The following MAP4K1 variants were observed in gnomAD, a reference collection of about 807,000 sequenced individuals.
The protein encoded by MAP4K1 is mitogen-activated protein kinase kinase kinase kinase 1, also known as MAPK/ERK kinase kinase kinase 1.
A neutral mutation model predicts 122.8 loss-of-function variants in MAP4K1; 35 were observed. The ratio of observed to expected loss-of-function variants is 0.29; its 90% CI spans 0.22 to 0.38. The LOEUF (loss-of-function observed/expected upper bound fraction) is 0.38, where lower values mean the gene tolerates loss of function less well. Among genes scored for constraint, MAP4K1 ranks in the 10% least tolerant of loss-of-function variants. The probability of loss-of-function intolerance (pLI) is 1.00; values close to 1 mark genes in which losing one functional copy is unlikely to be tolerated. For synonymous variants in MAP4K1, 412 were observed against 421.3 expected (o/e 0.98, Z 0.27); for missense variants, 791 against 1,072.6 (o/e 0.74, Z 3.67).
At position 38,617,913 on chromosome 19, in the gene MAP4K1, G is replaced by T; in HGVS notation, c.-18C>A. 6.2e-7 allele frequency: 1 copy of T among 1,610,612 alleles called. No individual in the cohort carries two copies. The highest frequency in any genetic ancestry group is 8.5e-7 in the Non-Finnish European group (1 of 1,176,880). ...ACGTCCATCCCTGGGGGCCTGAGCTGGGCCTGCGCCCAGGGGCCAGCAGGG... is the reference window on the plus strand; with the variant it reads ...ACGTCCATCCCTGGGGGCCTGAGCTTGGCCTGCGCCCAGGGGCCAGCAGGG... On this transcript the variant is annotated 5_prime_UTR_variant, in exon 1 of 31. Transcript: ENST00000396857. This position sits in a 1 kb window ranked among gnomAD's most constrained non-coding sequence, Gnocchi z 4.1.
chr19:38,607,517 G>A (rs987735010), intron 16 of MAP4K1, among the ~76,000 whole-genome samples: 11 of 142,398 alleles, frequency 7.7e-5, no homozygotes, highest in East Asian at 4.1e-4. Flanking sequence ...CTGAGACTAC[G>A]TCACTGCACT....
chr19:38,602,854 A>G (rs181583700), intron 19 of MAP4K1, among the ~76,000 whole-genome samples: 18 of 147,856 alleles, frequency 1.2e-4, no homozygotes, highest in African/African-American at 3.3e-4. Context: ...ATATACACAT[A>G]TACATATATA....
At position 38,605,577 on chromosome 19, in the gene MAP4K1, C is replaced by A. The variant is rs758428806; in HGVS notation, c.1354G>T (p.Ala452Ser). Residue 452 changes from alanine (A) to serine (S), a missense_variant, in exon 18 of 31, where the codon GCC becomes TCC. Physicochemically the swap from Ala to Ser is moderately conservative, Grantham distance 99 (BLOSUM62 1). Coordinates refer to ENST00000396857, the MANE Select transcript of MAP4K1 (RefSeq NM_001042600.3). Reference protein sequence around the residue: ...PPSTSSPHLTAHSEPSLWNPP... With the variant: ...PPSTSSPHLTSHSEPSLWNPP... Reference sequence around the variant, plus strand: ...TAGCCTGTCCCATTACCTGAATGGGCGGTGAGGTGGGGGCTGCTGGTGGAT... The same window carrying A: ...TAGCCTGTCCCATTACCTGAATGGGAGGTGAGGTGGGGGCTGCTGGTGGAT... 3 of 1,534,874 alleles carry A rather than the reference C, an allele frequency of 2.0e-6. No individual in the cohort carries two copies. Among genetic ancestry groups the A allele is most frequent in the South Asian group, 1.2e-5 (1 of 83,080 alleles).
intron 30 of MAP4K1, chr19:38,589,343 T>C: frequency 4.2e-6 from 1 of 240,780 alleles, no homozygotes; most frequent in Non-Finnish European, 8.5e-6. Context: ...ATAAAACTAG[T>C]GGGTGAAAAT....
chr19:38,605,043 C>T (rs755604447), intron 19 of MAP4K1, among the ~76,000 whole-genome samples: 6 of 150,144 alleles, frequency 4.0e-5, no homozygotes, highest in Non-Finnish European at 8.9e-5. Flanking sequence ...GCTAAGATCG[C>T]GCCACTGTAC....
rs1034765723 is a variant in MAP4K1, at chr19:38,612,510, C to A, written c.665+101G>T. ...GCAAAGGTAGGCTCAAGTGGTGATC[C>A]CTGAATTGGAGGTTCCTGGGATGGA... On this transcript the variant is annotated intron_variant, in intron 9 of 30. Coordinates refer to ENST00000396857, the MANE Select transcript of MAP4K1 (RefSeq NM_001042600.3). 4.9e-5 allele frequency: 57 copies of A among 1,165,320 alleles called. No homozygotes were observed. The African/African-American group carries it at 7.3e-4, about 15-fold the overall frequency. 72.2% of individuals were successfully genotyped at this position (1,165,320 alleles called of 1,614,324 possible).
In MAP4K1 at chr19:38,605,715, G is replaced by C. The variant is rs763162129; in HGVS notation, c.1216C>G (p.Pro406Ala). 2.5e-6 allele frequency: 4 copies of C among 1,606,794 alleles called. No individual in the cohort carries two copies. The South Asian group carries it at 4.4e-5, about 18-fold the overall frequency. ...PLPPKPKFRS[P>A]SDEGPGSMGD... ...ATGCTCCCAGGACCCTCGTCTGATG[G>C]AGAACGGAACTTGGGCTTTGGAGAC... The change falls in exon 18 of 31, where the codon CCA (proline) becomes GCA (alanine). Residue 406 changes from proline to alanine, a missense_variant. Coordinates refer to ENST00000396857, the MANE Select transcript of MAP4K1 (RefSeq NM_001042600.3).
At chr19:38,589,642 C>T (rs1373665590) in intron 30 of MAP4K1, among the ~76,000 whole-genome samples, 5 of 152,046 alleles carry the variant, frequency 3.3e-5, no homozygotes, top group Non-Finnish European at 4.4e-5. Flanking sequence ...CTCAAACTCC[C>T]GACCTCAGGT....
chr19:38,590,345 C>T (rs1335911697), intron 30 of MAP4K1, among the ~76,000 whole-genome samples: 1 of 111,376 alleles, frequency 9.0e-6, no homozygotes, highest in Non-Finnish European at 1.7e-5. Context: ...AAACATGGCT[C>T]CTAAGTGCCA....
Position 38,609,888 on chromosome 19 carries a change from CTT to C in MAP4K1, c.927+19_927+20del. The C allele has an allele frequency of 6.2e-7, 1 of 1,601,994 alleles. No individual in the cohort carries two copies. Among genetic ancestry groups the C allele is most frequent in the Non-Finnish European group, 8.6e-7 (1 of 1,168,988 alleles). On this transcript the variant is annotated intron_variant, in intron 12 of 30. Transcript: ENST00000396857. ...GAAAGACCGAGAGGTCCCCAGTGCT[CTT>C]GTCAGCCAAGGCTCTCACCTCGGGC...
Position 38,617,521 on chromosome 19 carries a change from AGGCGAAGGT to A in MAP4K1, c.157+38_157+46del. On this transcript the variant is annotated intron_variant, in intron 2 of 30. Coordinates refer to ENST00000396857, the MANE Select transcript of MAP4K1 (RefSeq NM_001042600.3). This position sits in a 1 kb window ranked among gnomAD's most constrained non-coding sequence, Gnocchi z 4.1. ...GGGGAGGTGATCCCAGTGTCCCAGG[AGGCGAAGGT>A]GGGGATGTGGGGAAGGAGCTCCATG... The A allele has an allele frequency of 6.2e-7, 1 of 1,611,890 alleles. No individual in the cohort carries two copies. The highest frequency in any genetic ancestry group is 8.5e-7 in the Non-Finnish European group (1 of 1,178,154).
chr19:38,605,358 C>A, intron 19 of MAP4K1, 51 bp downstream of exon 19: 2 of 1,309,064 alleles, frequency 1.5e-6, no homozygotes, highest in Non-Finnish European at 2.1e-6. Flanking sequence ...CCCCACCAGG[C>A]ATCCCCAGCC....
Position 38,608,014 on chromosome 19 carries a change from C to T in MAP4K1, c.1085G>A (p.Arg362Gln), listed in dbSNP as rs759106165. ...PANTARLQPP[R>Q]DLRSSSPRKQ... Reference sequence around the variant, plus strand: ...CCTGGGGCTGCTGCTCCTGAGGTCTCGAGGAGGCTGTAGGCGAGCCTGTGG... The same window carrying T: ...CCTGGGGCTGCTGCTCCTGAGGTCTTGAGGAGGCTGTAGGCGAGCCTGTGG... Residue 362 changes from arginine (R) to glutamine (Q), a missense_variant, in exon 15 of 31, where the codon CGA becomes CAA. This residue lies in a region of MAP4K1 where 303 missense variants were observed against 344.8 expected (regional missense o/e 0.88). Transcript: ENST00000396857. The T allele has an allele frequency of 6.8e-6, 11 of 1,608,890 alleles. No individual in the cohort carries two copies. The highest frequency in any genetic ancestry group is 2.7e-5 in the African/African-American group (2 of 74,818).
At chr19:38,613,207 T>C (rs530802488) in intron 8 of MAP4K1, among the ~76,000 whole-genome samples, 1 of 151,276 alleles carries the variant, frequency 6.6e-6, no homozygotes, top group East Asian at 1.9e-4. Context: ...ACTTGGTGGC[T>C]GAGGCAGGAG....
intron 16 of MAP4K1, among the ~76,000 whole-genome samples, chr19:38,607,236 C>G (rs781072685): frequency 6.6e-6 from 1 of 151,540 alleles, no homozygotes; most frequent in African/African-American, 2.4e-5. Context: ...GGGGGGCTGA[C>G]GCTGAGGGTC....
chr19:38,593,258 T>G (rs1396887675), intron 30 of MAP4K1, 24 bp downstream of exon 30: 1 of 1,608,386 alleles, frequency 6.2e-7, no homozygotes, highest in East Asian at 2.2e-5. Flanking sequence ...CCCAGGTCCT[T>G]CTGCACCCCA....
At chr19:38,614,138 C>G in intron 6 of MAP4K1, 53 bp from the exon 7 acceptor site, 1 of 1,611,692 alleles carries the variant, frequency 6.2e-7, no homozygotes, top group South Asian at 1.1e-5. Context: ...CAGCCCAGTG[C>G]TAGCCCACTC....
intron 9 of MAP4K1, among the ~76,000 whole-genome samples, chr19:38,612,354 A>G (rs900582805): frequency 1.3e-5 from 2 of 151,990 alleles, no homozygotes; most frequent in Non-Finnish European, 2.9e-5. Flanking sequence ...CAGGAGATGG[A>G]GGTTGCAGTG....
rs779240867 is a variant in MAP4K1, at chr19:38,617,773, T to G, written c.99+24A>C. 2.5e-6 allele frequency: 4 copies of G among 1,613,014 alleles called. No homozygotes were observed. Among genetic ancestry groups the G allele is most frequent in the Non-Finnish European group, 3.4e-6 (4 of 1,179,116 alleles). On this transcript the variant is annotated intron_variant, in intron 1 of 30. Coordinates refer to ENST00000396857, the MANE Select transcript of MAP4K1 (RefSeq NM_001042600.3). The surrounding 1 kb of genome is among the most constrained non-coding windows in gnomAD (Gnocchi z 4.1). ...CTTAAAGGTCACTGGTTGTAGGGTG[T>G]TGGGGACAGAGGGGCTTCCTCACCT...
Sources: gnomAD v4.1 joint callset for allele counts (sites outside exome capture counted in the v4.1 genomes callset) on GRCh38, gnomAD v4.1.1 for gene constraint, gnomAD v4.1.1 regional missense constraint, Gnocchi (gnomAD v3.1) non-coding constraint, MANE v1.5 for transcripts, NCBI Gene and HGNC (gene_info 2026-07-23, HGNC 2026-07-21) for gene names.